Variants in PCNX1 observed in about 807,000 individuals in gnomAD.
The protein encoded by PCNX1 is pecanex 1.
A neutral mutation model predicts 242.2 loss-of-function variants in PCNX1; 78 were observed. That is an observed-to-expected ratio of 0.32 (90% CI 0.27 to 0.39). The LOEUF is 0.39. PCNX1 is among the 10% of genes least tolerant of loss of function. The pLI, the probability that PCNX1 is intolerant of heterozygous loss-of-function variation, is 1.00. For synonymous variants in PCNX1, 1,024 were observed against 1,032.9 expected (o/e 0.99, Z 0.17); for missense variants, 2,581 against 2,856.5 (o/e 0.90, Z 2.20).
intron 2 of PCNX1, among the ~76,000 whole-genome samples, chr14:70,951,852 TTTTA>T (rs1486895120): frequency 4.6e-5 from 7 of 152,250 alleles, no homozygotes; most frequent in African/African-American, 1.7e-4. Flanking sequence ...TTTCTTATGT[TTTTA>T]TTTATCATCT....
At chr14:70,950,748 T>C (rs2057745062) in intron 2 of PCNX1, among the ~76,000 whole-genome samples, 1 of 152,062 alleles carries the variant, frequency 6.6e-6, no homozygotes, top group East Asian at 1.9e-4. Flanking sequence ...ATGGAGGTAT[T>C]TTTCTTATTG....
intron 26 of PCNX1, among the ~76,000 whole-genome samples, chr14:71,073,209 T>C (rs1416162825): frequency 6.6e-6 from 1 of 152,170 alleles, no homozygotes; most frequent in Non-Finnish European, 1.5e-5. Flanking sequence ...AGGAAATTAC[T>C]TGAACCGGGA....
At chr14:70,987,138 A>C (rs1024759024) in intron 6 of PCNX1, among the ~76,000 whole-genome samples, 5 of 152,024 alleles carry the variant, frequency 3.3e-5, no homozygotes, top group African/African-American at 1.2e-4. Flanking sequence ...TTTTCATTTC[A>C]TTGAAGTCAT....
rs747729596 is a variant in PCNX1, at chr14:71,009,594, G to A, written c.2630-40G>A. 8 of 1,166,240 alleles carry A rather than the reference G, an allele frequency of 6.9e-6. No individual in the cohort carries two copies. The East Asian group carries it at 1.5e-4, about 22-fold the overall frequency. 72.2% of individuals were successfully genotyped at this position (1,166,240 alleles called of 1,614,324 possible). On this transcript the variant is annotated intron_variant, in intron 8 of 35. Transcript: ENST00000304743. ...GTATATCATGAAGGAAAAATTCTGA[G>A]TATTCTAATGGCTTTTTAAAATAAT...
At chr14:71,030,487 C>T (rs886910252) in intron 16 of PCNX1, among the ~76,000 whole-genome samples, 10 of 152,218 alleles carry the variant, frequency 6.6e-5, no homozygotes, top group African/African-American at 9.6e-5. Context: ...TCCTTGCCCA[C>T]GTTTCCCTTC....
intron 2 of PCNX1, among the ~76,000 whole-genome samples, chr14:70,957,483 G>C (rs1199496885): frequency 6.6e-6 from 1 of 152,164 alleles, no homozygotes; most frequent in Non-Finnish European, 1.5e-5. Flanking sequence ...CGACGTGGAT[G>C]AACCTTGAAA....
intron 6 of PCNX1, among the ~76,000 whole-genome samples, chr14:70,980,995 T>C (rs1314514751): frequency 6.6e-6 from 1 of 152,156 alleles, no homozygotes; most frequent in Non-Finnish European, 1.5e-5. Context: ...AAATAGACTT[T>C]AAAGTACTAA....
At chr14:70,914,906 C>T (rs778541166) in intron 1 of PCNX1, among the ~76,000 whole-genome samples, 8 of 151,828 alleles carry the variant, frequency 5.3e-5, no homozygotes, top group African/African-American at 1.7e-4. Flanking sequence ...AGAATATCAG[C>T]GTCACTCCAG....
chr14:71,095,579 T>G (rs1176746077), intron 30 of PCNX1, among the ~76,000 whole-genome samples: 1 of 152,240 alleles, frequency 6.6e-6, no homozygotes, highest in Non-Finnish European at 1.5e-5. Flanking sequence ...TAATTTGATA[T>G]ATCTTTTGTG....
At chr14:71,058,707 T>A (rs752519611) in intron 26 of PCNX1, among the ~76,000 whole-genome samples, 1 of 152,232 alleles carries the variant, frequency 6.6e-6, no homozygotes, top group Non-Finnish European at 1.5e-5. Context: ...GTGGAGCAAG[T>A]ACTAGTCTAG....
At chr14:71,028,825 A>C (rs1555364619) in intron 16 of PCNX1, 34 bp downstream of exon 16, 29 of 1,290,566 alleles carry the variant, frequency 2.2e-5, no homozygotes, top group Non-Finnish European at 3.0e-5. Context: ...TTTGTCTTTA[A>C]GGCTATATTT....
At chr14:71,082,674 G>C (rs914121565) in intron 28 of PCNX1, among the ~76,000 whole-genome samples, 2 of 151,926 alleles carry the variant, frequency 1.3e-5, no homozygotes, top group Non-Finnish European at 2.9e-5. Flanking sequence ...TGCAACCCCT[G>C]CTTTTTTTTT....
intron 3 of PCNX1, among the ~76,000 whole-genome samples, chr14:70,963,603 G>A (rs1057316875): frequency 7.2e-5 from 11 of 152,134 alleles, no homozygotes; most frequent in Non-Finnish European, 1.3e-4. Context: ...AATATATTTT[G>A]ATAGAAGATT....
At position 70,968,342 on chromosome 14, in the gene PCNX1, T is replaced by A. The variant is rs1049158725; in HGVS notation, c.514+99T>A. On this transcript the variant is annotated intron_variant, in intron 4 of 35. Coordinates refer to ENST00000304743, the MANE Select transcript of PCNX1 (RefSeq NM_014982.3). ...GTACATTCAAATGTAATGAAAAAAATCATTCTTGAAATTCTTTTATAGATA... is the reference window on the plus strand; with the variant it reads ...GTACATTCAAATGTAATGAAAAAAAACATTCTTGAAATTCTTTTATAGATA... 6 of 691,034 alleles carry A rather than the reference T, an allele frequency of 8.7e-6. No homozygotes were observed. In the Admixed American group the frequency reaches 1.8e-4, roughly 21 times the overall value. The allele number at this position is 691,034 out of a possible 1,614,324, so 42.8% of individuals were successfully genotyped here. A position where few individuals can be genotyped will look rare whatever the true frequency, so the allele number is the denominator to read the frequency against.
intron 7 of PCNX1, among the ~76,000 whole-genome samples, chr14:70,991,999 CA>C (rs569133852): frequency 1.6e-3 from 245 of 152,136 alleles, no homozygotes; most frequent in African/African-American, 5.6e-3. Flanking sequence ...AATTTTCTTA[CA>C]AAGAGAATTT....
rs373824206 is a variant in PCNX1, at chr14:70,969,029, G to T, written c.523G>T (p.Asp175Tyr). The change falls in exon 5 of 36, where the codon GAC (aspartate) becomes TAC (tyrosine). Residue 175 changes from aspartate to tyrosine, a missense_variant. Around this residue, in one of 9 missense-constraint regions of PCNX1, gnomAD observed 1,204 missense variants for 1,216.7 expected, o/e 0.99. Coordinates refer to ENST00000304743, the MANE Select transcript of PCNX1 (RefSeq NM_014982.3). ...TTCTCTTAACTTTGTAGGAGATACA[G>T]ACACTGCTAAGACTTCTGATGATAT... ...GTAATIKGDT[D>Y]TAKTSDDISL... is the part of the protein sequence containing the mutation. 1.3e-6 allele frequency: 2 copies of T among 1,598,110 alleles called. No individual in the cohort carries two copies. Among genetic ancestry groups the T allele is most frequent in the African/African-American group, 1.3e-5 (1 of 74,580 alleles).
chr14:71,061,948 TCA>T (rs2061335759), intron 26 of PCNX1, among the ~76,000 whole-genome samples: 1 of 151,884 alleles, frequency 6.6e-6, no homozygotes, highest in Non-Finnish European at 1.5e-5. Flanking sequence ...CCAAGAAAAT[TCA>T]CAGTGAAGGG....
At chr14:71,015,272 T>C (rs1362836817) in intron 11 of PCNX1, among the ~76,000 whole-genome samples, 1 of 152,128 alleles carries the variant, frequency 6.6e-6, no homozygotes, top group Non-Finnish European at 1.5e-5. Flanking sequence ...CAAAGATAAA[T>C]GGAAATGGTA....
Position 70,978,658 on chromosome 14 carries a change from C to G in PCNX1, c.2311+10C>G. 1 of 1,593,122 alleles carries G rather than the reference C, an allele frequency of 6.3e-7. No homozygotes were observed. Among genetic ancestry groups the G allele is most frequent in the Non-Finnish European group, 8.5e-7 (1 of 1,170,980 alleles). ...GATGCAGTCAGTGGAGGTAAGTAAA[C>G]TGTAAGAAGAGATTTCTGTAAGACT... On this transcript the variant is annotated intron_variant, in intron 6 of 35. Coordinates refer to ENST00000304743, the MANE Select transcript of PCNX1 (RefSeq NM_014982.3).
Sources: allele counts gnomAD v4.1 joint callset (sites outside exome capture counted in the v4.1 genomes callset), GRCh38; gene constraint gnomAD v4.1.1; regional missense constraint gnomAD v4.1.1; transcripts MANE v1.5; gene names NCBI Gene and HGNC (gene_info 2026-07-23, HGNC 2026-07-21).